DGKA: variants seen among roughly 807,000 people sequenced by gnomAD.
DGKA encodes 80 kDa diacylglycerol kinase.
In DGKA, 35 loss-of-function variants were observed where a neutral mutation model predicts 105.0. The ratio of observed to expected loss-of-function variants is 0.33; its 90% confidence interval spans 0.25 to 0.44. DGKA has a LOEUF of 0.44. Among genes scored for constraint, DGKA ranks in the 20% least tolerant of loss-of-function variants. The pLI, the probability that DGKA is intolerant of heterozygous loss-of-function variation, is 1.00. For synonymous variants in DGKA, 296 were observed against 332.0 expected (o/e 0.89, Z 1.18); for missense variants, 665 against 915.0 (o/e 0.73, Z 3.53).
chr12:55,930,374 T>TG (rs869108425), upstream of DGKA: 2 of 144,818 alleles, frequency 1.4e-5, no homozygotes, highest in African/African-American at 5.2e-5. Flanking sequence ...TTTTTTTTTT[T>TG]TTTTTTTTTT....
intron 2 of DGKA, 146 bp from the exon 3 acceptor site, chr12:55,936,871 G>T: frequency 1.2e-6 from 1 of 866,294 alleles, no homozygotes; most frequent in Non-Finnish European, 2.0e-6. Context: ...TGTTTTGGAG[G>T]ATCTGAAATA....
In DGKA at chr12:55,932,530, T is replaced by G. The variant is rs1350253106; in HGVS notation, c.-82+1186T>G. On this transcript the variant is annotated intron_variant, in intron 1 of 23. Coordinates refer to ENST00000331886, the MANE Select transcript of DGKA (RefSeq NM_001345.5). The surrounding 1 kb of genome is among the most constrained non-coding windows in gnomAD (Gnocchi z 4.3). ...TCACTGGGAAGTTTCTGAAAATACC[T>G]GAGTCTGAATCTCACTTTTCACCTT... The G allele has an allele frequency of 1.4e-6, 1 of 702,278 alleles. No individual in the cohort carries two copies. The highest frequency in any genetic ancestry group is 2.7e-5 in the East Asian group (1 of 37,284). The allele number at this position is 702,278 out of a possible 1,614,324, so 43.5% of individuals were successfully genotyped here. A position where few individuals can be genotyped will look rare whatever the true frequency, so the allele number is the denominator to read the frequency against.
intron 2 of DGKA, 97 bp from the exon 3 acceptor site, chr12:55,936,920 C>T: frequency 9.1e-7 from 1 of 1,102,618 alleles, no homozygotes; most frequent in Non-Finnish European, 1.4e-6. Flanking sequence ...CTTGGAATTT[C>T]TTCATCTCAT....
intron 5 of DGKA, 182 bp downstream of exon 5, chr12:55,938,234 A>G: frequency 1.5e-6 from 1 of 678,346 alleles, no homozygotes; most frequent in Non-Finnish European, 2.5e-6. Flanking sequence ...ACCCTTCACC[A>G]TAGTCACCCC....
rs1480894918 is a variant in DGKA at position 55,932,488 on chromosome 12, C to T, written c.-82+1144C>T. The T allele has an allele frequency of 7.1e-6, 5 of 701,088 alleles. No homozygotes were observed. The Admixed American group carries it at 1.0e-4, about 14-fold the overall frequency. The allele number at this position is 701,088 out of a possible 1,614,324, so 43.4% of individuals were successfully genotyped here. On this transcript the variant is annotated intron_variant, in intron 1 of 23. Transcript: ENST00000331886. This position sits in a 1 kb window ranked among gnomAD's most constrained non-coding sequence, Gnocchi z 4.3. ...CCTCCAGGTCCCCAACTTCCCACCC[C>T]ATCCTCTCCCCACCTGTCACTGGGA...
chr12:55,952,309 C>A lies in DGKA; in HGVS notation c.1653-32C>A. The A allele has an allele frequency of 2.5e-6, 4 of 1,608,852 alleles. No individual in the cohort carries two copies. The highest frequency in any genetic ancestry group is 3.4e-6 in the Non-Finnish European group (4 of 1,175,232). On this transcript the variant is annotated intron_variant, in intron 19 of 23. Coordinates refer to ENST00000331886, the MANE Select transcript of DGKA (RefSeq NM_001345.5). This position sits in a 1 kb window ranked among gnomAD's most constrained non-coding sequence, Gnocchi z 5.1. The stretch of plus-strand genomic sequence containing the variant: ...TGCCAGCACTGTGTAACCTGTCCCT[C>A]CCTACTGGGCCTTGTGTTGGGGCTG...
chr12:55,941,704 C>G, intron 15 of DGKA, 120 bp downstream of exon 15: 2 of 1,035,644 alleles, frequency 1.9e-6, no homozygotes, highest in Non-Finnish European at 2.9e-6. Flanking sequence ...CCCAAGAGGC[C>G]AGAATTCAGA....
At position 55,942,148 on chromosome 12, in the gene DGKA, A is replaced by G. The variant is rs771303344; in HGVS notation, c.1337-26A>G. 4 of 1,614,106 alleles carry G rather than the reference A, an allele frequency of 2.5e-6. No homozygotes were observed. In the South Asian group the frequency reaches 4.4e-5, roughly 18 times the overall value. On this transcript the variant is annotated intron_variant, in intron 16 of 23. Coordinates refer to ENST00000331886, the MANE Select transcript of DGKA (RefSeq NM_001345.5). ...TAGTCTTGCAGAGCTAACTCACTCCATCCTTCTCTTCACCTGCCTCCGCAG... is the reference window on the plus strand; with the variant it reads ...TAGTCTTGCAGAGCTAACTCACTCCGTCCTTCTCTTCACCTGCCTCCGCAG...
In DGKA at chr12:55,952,642, T is replaced by C; in HGVS notation, c.1744-92T>C. 6.9e-7 allele frequency: 1 copy of C among 1,451,942 alleles called. No individual in the cohort carries two copies. Among genetic ancestry groups the C allele is most frequent in the Non-Finnish European group, 9.6e-7 (1 of 1,042,168 alleles). The allele number at this position is 1,451,942 out of a possible 1,614,324, so 89.9% of individuals were successfully genotyped here. ...TCCAAATCCTGCCTTCTCCAGTTTG[T>C]CATCTGGTGGAGGGAGCGATCACAT... is the stretch of plus-strand genomic sequence containing the variant. On this transcript the variant is annotated intron_variant, in intron 20 of 23. Coordinates refer to ENST00000331886, the MANE Select transcript of DGKA (RefSeq NM_001345.5). This position sits in a 1 kb window ranked among gnomAD's most constrained non-coding sequence, Gnocchi z 5.1.
At chr12:55,938,606 T>C in intron 6 of DGKA, 46 bp downstream of exon 6, 1 of 1,613,126 alleles carries the variant, frequency 6.2e-7, no homozygotes, top group Non-Finnish European at 8.5e-7. Context: ...ATGTGTTAAT[T>C]TGTCTGCACC....
Position 55,939,603 on chromosome 12 carries a change from T to C in DGKA, c.709+74T>C, listed in dbSNP as rs890141050. ...CTGTGGGAGCTTGATGCTGTAAACT[T>C]AGAAAAGACCTAGGTTTGAATCCTG... On this transcript the variant is annotated intron_variant, in intron 9 of 23. Coordinates refer to ENST00000331886, the MANE Select transcript of DGKA (RefSeq NM_001345.5). The C allele has an allele frequency of 6.9e-6, 10 of 1,459,306 alleles. No homozygotes were observed. The African/African-American group carries it at 1.4e-4, about 20-fold the overall frequency. The allele number at this position is 1,459,306 out of a possible 1,614,324, so 90.4% of individuals were successfully genotyped here.
chr12:55,948,380 G>A (rs1239665817), intron 17 of DGKA, among the ~76,000 whole-genome samples: 2 of 148,506 alleles, frequency 1.3e-5, no homozygotes, highest in African/African-American at 5.0e-5. Context: ...CAGCCTGGAC[G>A]ACAGAGCTAG....
At position 55,940,239 on chromosome 12, in the gene DGKA, T is replaced by C. The variant is rs1028792413; in HGVS notation, c.798+69T>C. On this transcript the variant is annotated intron_variant, in intron 10 of 23. Transcript: ENST00000331886. The surrounding 1 kb of genome is among the most constrained non-coding windows in gnomAD (Gnocchi z 4.3). ...GGCCCTGGCCCTGGCCCTTGGCCCA[T>C]TGCTGCCCTCAGCCCCTCCCTCCCC... 6.2e-7 allele frequency: 1 copy of C among 1,614,064 alleles called. No homozygotes were observed. Among genetic ancestry groups the C allele is most frequent in the Non-Finnish European group, 8.5e-7 (1 of 1,179,902 alleles).
rs186551275 is a variant in DGKA at position 55,952,556 on chromosome 12, C to T, written c.1743+125C>T. On this transcript the variant is annotated intron_variant, in intron 20 of 23. Coordinates refer to ENST00000331886, the MANE Select transcript of DGKA (RefSeq NM_001345.5). This position sits in a 1 kb window ranked among gnomAD's most constrained non-coding sequence, Gnocchi z 5.1. ...TATGCTTCTTTAACCTCCCAGCTCTCCTACCCCAATTCTCCAAGTCCTCAA... is the reference window on the plus strand; with the variant it reads ...TATGCTTCTTTAACCTCCCAGCTCTTCTACCCCAATTCTCCAAGTCCTCAA... 1,287 of 1,203,076 alleles carry T rather than the reference C, an allele frequency of 1.1e-3. 22 individuals carry two copies. The Admixed American group carries it at 0.021, about 19-fold the overall frequency. The allele number at this position is 1,203,076 out of a possible 1,614,324, so 74.5% of individuals were successfully genotyped here.
intron 17 of DGKA, chr12:55,942,543 A>G: frequency 2.5e-6 from 1 of 407,530 alleles, no homozygotes; most frequent in South Asian, 2.4e-5. Flanking sequence ...ATCAAGGAAT[A>G]TGGGGGTGGG....
At chr12:55,944,694 T>C (rs751404934) in intron 17 of DGKA, among the ~76,000 whole-genome samples, 10 of 152,176 alleles carry the variant, frequency 6.6e-5, no homozygotes, top group Admixed American at 1.3e-4. Context: ...GGATAACTGA[T>C]AGGTTGTGGA....
In DGKA at chr12:55,940,242, C is replaced by T; in HGVS notation, c.798+72C>T. 7 of 1,614,126 alleles carry T rather than the reference C, an allele frequency of 4.3e-6. No homozygotes were observed. Among genetic ancestry groups the T allele is most frequent in the Non-Finnish European group, 5.9e-6 (7 of 1,179,934 alleles). Reference sequence around the variant, plus strand: ...CCTGGCCCTGGCCCTTGGCCCATTGCTGCCCTCAGCCCCTCCCTCCCCTAG... The same window carrying T: ...CCTGGCCCTGGCCCTTGGCCCATTGTTGCCCTCAGCCCCTCCCTCCCCTAG... On this transcript the variant is annotated intron_variant, in intron 10 of 23. Coordinates refer to ENST00000331886, the MANE Select transcript of DGKA (RefSeq NM_001345.5). This position sits in a 1 kb window ranked among gnomAD's most constrained non-coding sequence, Gnocchi z 4.3.
chr12:55,930,358 T>TC (rs1491404538), upstream of DGKA: 4 of 14,636 alleles, frequency 2.7e-4, no homozygotes, highest in Non-Finnish European at 7.2e-4. Flanking sequence ...AAGGGCCTTG[T>TC]TTTTTTTTTT....
rs754596990 is a variant in DGKA at position 55,953,410 on chromosome 12, A to G, written c.2124A>G (p.Thr708=). ...DGEPWMQTPC[T]IKITHKNQMP... Reference sequence around the variant, plus strand: ...AACCCTGGATGCAGACGCCCTGTACAGTGAGTATTGACGATCCCAGCCAAA... The same window carrying G: ...AACCCTGGATGCAGACGCCCTGTACGGTGAGTATTGACGATCCCAGCCAAA... The change falls in exon 23 of 24, where the codon ACA becomes ACG. Residue 708 remains threonine, a splice_region_variant and synonymous_variant. Coordinates refer to ENST00000331886, the MANE Select transcript of DGKA (RefSeq NM_001345.5). 6.2e-6 allele frequency: 10 copies of G among 1,613,998 alleles called. No homozygotes were observed. In the Admixed American group the frequency reaches 6.7e-5, roughly 11 times the overall value.
Sources: gnomAD v4.1 joint callset for allele counts (sites outside exome capture counted in the v4.1 genomes callset) on GRCh38, gnomAD v4.1.1 for gene constraint, Gnocchi (gnomAD v3.1) non-coding constraint, MANE v1.5 for transcripts, NCBI Gene and HGNC (gene_info 2026-07-23, HGNC 2026-07-21) for gene names.